PTPRE: variants seen among roughly 807,000 people sequenced by gnomAD.
PTPRE encodes the protein receptor-type tyrosine-protein phosphatase epsilon.
Under a neutral mutation model 102.0 loss-of-function variants are expected in PTPRE, and 51 were observed. The observed-to-expected ratio is 0.50, with a 90% CI of 0.40 to 0.63. The LOEUF is 0.63. PTPRE is among the 30% of genes least tolerant of loss of function. The probability of loss-of-function intolerance (pLI) is 0.00; values close to 1 mark genes in which losing one functional copy is unlikely to be tolerated. For synonymous variants in PTPRE, 345 were observed against 348.2 expected (o/e 0.99, Z 0.10); for missense variants, 752 against 915.1 (o/e 0.82, Z 2.30).
At chr10:127,913,803 G>A (rs1846027468) in intron 1 of PTPRE, among the ~76,000 whole-genome samples, 1 of 152,164 alleles carries the variant, frequency 6.6e-6, no homozygotes, top group African/African-American at 2.4e-5. Context: ...CCTCAGAGGT[G>A]GACACCTACT....
intron 1 of PTPRE, among the ~76,000 whole-genome samples, chr10:127,925,939 C>G (rs558740466): frequency 1.3e-5 from 2 of 152,202 alleles, no homozygotes; most frequent in African/African-American, 2.4e-5. Context: ...ACAAGTATAC[C>G]TGGTATTACA....
chr10:127,942,911 A>T (rs777934328), intron 1 of PTPRE, among the ~76,000 whole-genome samples: 6 of 152,354 alleles, frequency 3.9e-5, no homozygotes, highest in Admixed American at 6.5e-5. Flanking sequence ...AAAAACTCAT[A>T]CAAGAGCAGG....
intron 1 of PTPRE, among the ~76,000 whole-genome samples, chr10:127,950,417 A>T (rs1848931131): frequency 6.6e-6 from 1 of 152,124 alleles, no homozygotes; most frequent in Non-Finnish European, 1.5e-5. Context: ...AAAGGAAGGG[A>T]TCCAGAGGCT....
intron 1 of PTPRE, among the ~76,000 whole-genome samples, chr10:127,914,310 G>A (rs539987890): frequency 2.3e-4 from 35 of 152,272 alleles, no homozygotes; most frequent in African/African-American, 6.5e-4. Context: ...ATTACCCAGC[G>A]TCAGGTATTC....
chr10:127,910,690 A>G (rs1032261674), intron 1 of PTPRE, among the ~76,000 whole-genome samples: 5 of 152,214 alleles, frequency 3.3e-5, no homozygotes, highest in African/African-American at 1.2e-4. Flanking sequence ...AGGGGGACAT[A>G]GGATACATAT....
chr10:128,004,077 G>C (rs555280198), intron 2 of PTPRE, among the ~76,000 whole-genome samples: 3 of 151,952 alleles, frequency 2.0e-5, no homozygotes, highest in Non-Finnish European at 2.9e-5. Flanking sequence ...TTGTTGGGGG[G>C]ATTAAATGGG....
intron 1 of PTPRE, among the ~76,000 whole-genome samples, chr10:127,946,690 G>A (rs1848644482): frequency 6.6e-6 from 1 of 152,168 alleles, no homozygotes; most frequent in South Asian, 2.1e-4. Context: ...AGACTGCATA[G>A]AGGCATAGAG....
In PTPRE at chr10:128,070,730, A is replaced by G; in HGVS notation, c.1294-78A>G. ...CCTTTGAGCAGGCGTCCTTGCCAGC[A>G]GCACTAGTCCTCGGCTGAGCAATGT... On this transcript the variant is annotated intron_variant, in intron 14 of 20. Coordinates refer to ENST00000254667, the MANE Select transcript of PTPRE (RefSeq NM_006504.6). This position sits in a 1 kb window ranked among gnomAD's most constrained non-coding sequence, Gnocchi z 4.8. The G allele has an allele frequency of 6.8e-7, 1 of 1,467,540 alleles. No homozygotes were observed. The allele number at this position is 1,467,540 out of a possible 1,614,324, so 90.9% of individuals were successfully genotyped here.
chr10:127,981,499 T>A (rs11015987), intron 1 of PTPRE, among the ~76,000 whole-genome samples: 30,246 of 151,844 alleles, frequency 0.2, 3,054 homozygotes, highest in Non-Finnish European at 0.22. Context: ...TGTTTTTTTT[T>A]AAAAAATAAA....
chr10:128,046,264 G>T (rs1350703498), intron 3 of PTPRE, among the ~76,000 whole-genome samples: 1 of 152,212 alleles, frequency 6.6e-6, no homozygotes, highest in Non-Finnish European at 1.5e-5. Flanking sequence ...GGGGTGTGAG[G>T]TGAGCGGAGC....
intron 1 of PTPRE, among the ~76,000 whole-genome samples, chr10:127,939,712 G>A (rs988599656): frequency 2.0e-5 from 3 of 152,216 alleles, no homozygotes; most frequent in Non-Finnish European, 2.9e-5. Flanking sequence ...AGCAGGGGCA[G>A]GGCCAAGATG....
rs1383227836 is a variant in PTPRE, at chr10:128,000,823, TCCA to T, written c.-8+18531_-8+18533del. On this transcript the variant is annotated intron_variant, in intron 2 of 20. Transcript: ENST00000254667. ...GAGTCGTCCCTGGCACTGTAAGAAT[TCCA>T]CCAAGCCTCACTCACTTGGGCAACT... Among the ~76,000 whole-genome samples, 4 of 152,298 alleles carry T rather than the reference TCCA, an allele frequency of 2.6e-5. No homozygotes were observed. In the East Asian group the frequency reaches 5.8e-4, roughly 22 times the overall value.
chr10:127,952,571 A>T (rs1471833892), intron 1 of PTPRE, among the ~76,000 whole-genome samples: 1 of 152,178 alleles, frequency 6.6e-6, no homozygotes, highest in African/African-American at 2.4e-5. Context: ...CCCTAATAAA[A>T]ATCACCTACA....
chr10:127,991,720 A>G (rs1218693144), intron 2 of PTPRE, among the ~76,000 whole-genome samples: 1 of 152,204 alleles, frequency 6.6e-6, no homozygotes, highest in Non-Finnish European at 1.5e-5. Context: ...GTTTCCCTAC[A>G]GTGTTCGCAG....
chr10:128,041,032 C>T (rs1331652574), intron 3 of PTPRE, 42 bp downstream of exon 3: 6 of 1,542,360 alleles, frequency 3.9e-6, no homozygotes, highest in Non-Finnish European at 5.4e-6. Flanking sequence ...ACTACCTCCT[C>T]CTAAGCTCCT....
chr10:128,009,546 C>T (rs1259896346), intron 2 of PTPRE, among the ~76,000 whole-genome samples: 2 of 152,172 alleles, frequency 1.3e-5, no homozygotes, highest in East Asian at 3.9e-4. Flanking sequence ...TGGAGCTTCC[C>T]CCGAGGTGCA....
intron 1 of PTPRE, among the ~76,000 whole-genome samples, chr10:127,962,463 C>T (rs1246464182): frequency 6.6e-6 from 1 of 152,204 alleles, no homozygotes; most frequent in Non-Finnish European, 1.5e-5. Context: ...CGCAGCTGCT[C>T]CGCTGGACAC....
At chr10:128,035,414 T>C (rs537143695) in intron 2 of PTPRE, among the ~76,000 whole-genome samples, 5 of 152,326 alleles carry the variant, frequency 3.3e-5, no homozygotes, top group African/African-American at 1.2e-4. Context: ...AATAAATGTT[T>C]TAGAGAAGCA....
chr10:128,073,462 G>A lies in PTPRE; in HGVS notation c.1590G>A (p.Glu530=). ...HTIVMLTEVQ[E]REQDKCYQYW... Reference sequence around the variant, plus strand: ...TCGTGATGCTGACGGAGGTGCAGGAGAGAGAGCAGGTGAGGAGTGCCGCCC... The same window carrying A: ...TCGTGATGCTGACGGAGGTGCAGGAAAGAGAGCAGGTGAGGAGTGCCGCCC... The change falls in exon 17 of 21, where the codon GAG becomes GAA. Residue 530 remains glutamate (E), a synonymous_variant. Transcript: ENST00000254667. The A allele has an allele frequency of 6.2e-7, 1 of 1,613,884 alleles. No individual in the cohort carries two copies. Among genetic ancestry groups the A allele is most frequent in the Non-Finnish European group, 8.5e-7 (1 of 1,179,940 alleles).
Sources: gnomAD v4.1 joint callset for allele counts (sites outside exome capture counted in the v4.1 genomes callset) on GRCh38, gnomAD v4.1.1 for gene constraint, Gnocchi (gnomAD v3.1) non-coding constraint, MANE v1.5 for transcripts, NCBI Gene and HGNC (gene_info 2026-07-23, HGNC 2026-07-21) for gene names.